The following MALRD1 variants were observed in gnomAD, a reference collection of about 807,000 sequenced individuals.
The protein encoded by MALRD1 is MAM and LDL-receptor class A domain-containing protein 1.
A neutral mutation model predicts 242.1 loss-of-function variants in MALRD1; 247 were observed. The observed-to-expected ratio is 1.02, with a 90% confidence interval of 0.92 to 1.13. The LOEUF (loss-of-function observed/expected upper bound fraction) is 1.13, where lower values mean the gene tolerates loss of function less well. MALRD1 is among the 50% of genes most tolerant of loss of function. The pLI, the probability that MALRD1 is intolerant of heterozygous loss-of-function variation, is 0.00. For synonymous variants in MALRD1, 995 were observed against 866.6 expected (o/e 1.15, Z -2.60); for missense variants, 2,989 against 2,533.1 (o/e 1.18, Z -3.86).
chr10:19,498,362 C>G, intron 30 of MALRD1, 123 bp from the exon 31 acceptor site: 1 of 823,054 alleles, frequency 1.2e-6, no homozygotes, highest in Non-Finnish European at 1.9e-6. Context: ...TGTCTTGATG[C>G]TGTAAGTGTA....
chr10:19,200,003 C>A (rs1387902754), intron 14 of MALRD1, among the ~76,000 whole-genome samples: 1 of 152,014 alleles, frequency 6.6e-6, no homozygotes, highest in East Asian at 1.9e-4. Flanking sequence ...GTGGCATGCA[C>A]CTGTGTTCCC....
At chr10:19,229,718 T>G (rs1223887056) in intron 18 of MALRD1, among the ~76,000 whole-genome samples, 1 of 152,178 alleles carries the variant, frequency 6.6e-6, no homozygotes, top group Non-Finnish European at 1.5e-5. Context: ...AGGCACCTTT[T>G]GTCTGTGGTC....
intron 19 of MALRD1, among the ~76,000 whole-genome samples, chr10:19,273,402 T>G (rs1004873166): frequency 1.1e-4 from 16 of 152,180 alleles, no homozygotes; most frequent in Non-Finnish European, 2.9e-5. Flanking sequence ...TTTACCCAAA[T>G]GAGTATATTC....
At chr10:19,293,123 G>A (rs1008591192) in intron 21 of MALRD1, among the ~76,000 whole-genome samples, 1 of 152,088 alleles carries the variant, frequency 6.6e-6, no homozygotes, top group South Asian at 2.1e-4. Flanking sequence ...TTATAGGCCA[G>A]TTTAGAAGCC....
chr10:19,562,431 G>A (rs1836022539), intron 32 of MALRD1, among the ~76,000 whole-genome samples: 1 of 152,120 alleles, frequency 6.6e-6, no homozygotes, highest in African/African-American at 2.4e-5. Context: ...CCTCAAAAGA[G>A]TTCCTCCCCT....
intron 33 of MALRD1, among the ~76,000 whole-genome samples, chr10:19,568,369 G>T (rs549673327): frequency 3.9e-5 from 6 of 151,910 alleles, no homozygotes; most frequent in African/African-American, 1.2e-4. Context: ...TGTTGTTGTT[G>T]TTTTTTCCTA....
intron 31 of MALRD1, among the ~76,000 whole-genome samples, chr10:19,505,852 C>A (rs1833103372): frequency 6.6e-6 from 1 of 152,106 alleles, no homozygotes; most frequent in Non-Finnish European, 1.5e-5. Flanking sequence ...ATAATTACAG[C>A]CTGAAAATGA....
chr10:19,130,672 G>A (rs1169505152), intron 8 of MALRD1, among the ~76,000 whole-genome samples: 1 of 152,048 alleles, frequency 6.6e-6, no homozygotes, highest in Non-Finnish European at 1.5e-5. Flanking sequence ...ATGAATGTAT[G>A]TATTGTGTAT....
intron 36 of MALRD1, among the ~76,000 whole-genome samples, chr10:19,638,059 C>G (rs1840220172): frequency 7.1e-6 from 1 of 141,492 alleles, no homozygotes; most frequent in African/African-American, 2.7e-5. Flanking sequence ...AGAGATTGTG[C>G]CACTGCACTG....
At chr10:19,397,146 A>G (rs1846619189) in intron 28 of MALRD1, among the ~76,000 whole-genome samples, 1 of 152,080 alleles carries the variant, frequency 6.6e-6, no homozygotes, top group Admixed American at 6.6e-5. Flanking sequence ...AATACATATT[A>G]TTTTTAATTA....
intron 27 of MALRD1, 94 bp from the exon 28 acceptor site, chr10:19,389,358 G>T: frequency 7.6e-7 from 1 of 1,313,982 alleles, no homozygotes; most frequent in Non-Finnish European, 1.1e-6. Context: ...CAGATCATAC[G>T]AATTGTAATT....
At chr10:19,327,076 T>A (rs892722892) in intron 22 of MALRD1, among the ~76,000 whole-genome samples, 1 of 152,114 alleles carries the variant, frequency 6.6e-6, no homozygotes, top group Non-Finnish European at 1.5e-5. Flanking sequence ...GCAGCATAAA[T>A]AGATGCTCAC....
chr10:19,211,211 A>G (rs1397898359), intron 18 of MALRD1, among the ~76,000 whole-genome samples: 1 of 152,162 alleles, frequency 6.6e-6, no homozygotes, highest in Admixed American at 6.5e-5. Flanking sequence ...GGACTAACCA[A>G]GGAACACTTT....
chr10:19,662,750 C>T (rs1056149989), intron 36 of MALRD1, among the ~76,000 whole-genome samples: 4 of 152,136 alleles, frequency 2.6e-5, no homozygotes, highest in Admixed American at 2.0e-4. Flanking sequence ...ATCAGGGTGA[C>T]TTGGCCTATC....
At chr10:19,177,362 C>A (rs532344718) in intron 14 of MALRD1, among the ~76,000 whole-genome samples, 4 of 150,608 alleles carry the variant, frequency 2.7e-5, no homozygotes, top group African/African-American at 9.8e-5. Flanking sequence ...GATTTTCTTT[C>A]TCTTAATTAA....
chr10:19,671,966 C>G (rs1392767271), intron 36 of MALRD1, among the ~76,000 whole-genome samples: 1 of 151,612 alleles, frequency 6.6e-6, no homozygotes, highest in Non-Finnish European at 1.5e-5. Flanking sequence ...CAATTTTTCT[C>G]TTGCCCTAAC....
rs546805069 is a variant in MALRD1, at chr10:19,332,455, T to C, written c.3901+873T>C. ...ATATATTAAAATATCCTTAGCTAAA[T>C]GCACCATATGTACTCAATCTGCTAA... On this transcript the variant is annotated intron_variant, in intron 24 of 39. Transcript: ENST00000454679. Among the ~76,000 whole-genome samples, 31 of 152,286 alleles carry C rather than the reference T, an allele frequency of 2.0e-4. 1 individual carries two copies. The South Asian group carries it at 5.8e-3, about 28-fold the overall frequency.
chr10:19,052,120 G>T, intron 1 of MALRD1: 1 of 457,768 alleles, frequency 2.2e-6, no homozygotes, highest in Non-Finnish European at 4.3e-6. Context: ...AATTCATATA[G>T]CATCAAAGTT....
intron 21 of MALRD1, among the ~76,000 whole-genome samples, chr10:19,286,113 G>C (rs1841097960): frequency 7.5e-6 from 1 of 133,482 alleles, no homozygotes; most frequent in South Asian, 2.8e-4. Context: ...TGTATCCTGA[G>C]ACTTTGCTGA....
Sources: allele counts gnomAD v4.1 joint callset (sites outside exome capture counted in the v4.1 genomes callset), GRCh38; gene constraint gnomAD v4.1.1; transcripts MANE v1.5; gene names NCBI Gene and HGNC (gene_info 2026-07-23, HGNC 2026-07-21).